Variants in ACMSD observed in about 807,000 individuals in gnomAD.
ACMSD encodes the protein 2-amino-3-carboxymuconate-6-semialdehyde decarboxylase.
In ACMSD, 37 loss-of-function variants were observed where a neutral mutation model predicts 45.9. That is an observed-to-expected ratio of 0.81 (90% confidence interval 0.62 to 1.06). The LOEUF is 1.06. ACMSD is among the 50% of genes least tolerant of loss of function. The pLI, the probability that ACMSD is intolerant of heterozygous loss-of-function variation, is 0.00. For missense variants in ACMSD, 434 were observed against 420.9 expected (o/e 1.03, Z -0.27); for synonymous variants, 138 against 148.8 (o/e 0.93, Z 0.53).
At chr2:134,880,149 A>G (rs1478693860) in intron 8 of ACMSD, among the ~76,000 whole-genome samples, 2 of 152,218 alleles carry the variant, frequency 1.3e-5, no homozygotes, top group Admixed American at 1.3e-4. Flanking sequence ...TCAGAATTTT[A>G]AAGTCATTGT....
At chr2:134,867,430 T>C (rs997767418) in intron 5 of ACMSD, 149 bp from the exon 6 acceptor site, 11 of 564,178 alleles carry the variant, frequency 1.9e-5, no homozygotes, top group African/African-American at 1.5e-4. Flanking sequence ...ATCTCTTCTA[T>C]ATAGATCATA....
At chr2:134,870,137 C>T (rs1445558849) in intron 6 of ACMSD, among the ~76,000 whole-genome samples, 1 of 152,212 alleles carries the variant, frequency 6.6e-6, no homozygotes, top group African/African-American at 2.4e-5. Flanking sequence ...GTGCAGGGCA[C>T]AGCTGTGGAG....
At chr2:134,891,685 A>G (rs1233541143) in intron 8 of ACMSD, among the ~76,000 whole-genome samples, 2 of 152,182 alleles carry the variant, frequency 1.3e-5, no homozygotes, top group African/African-American at 4.8e-5. Flanking sequence ...TTTCACAAAG[A>G]ACTAAAAATA....
intron 1 of ACMSD, among the ~76,000 whole-genome samples, chr2:134,844,853 C>A (rs528828965): frequency 3.0e-4 from 45 of 152,252 alleles, no homozygotes; most frequent in African/African-American, 9.4e-4. Context: ...GGATTGCAAC[C>A]CACAGTTTGA....
chr2:134,895,349 A>AT (rs138907753), intron 8 of ACMSD, among the ~76,000 whole-genome samples: 1 of 140,042 alleles, frequency 7.1e-6, no homozygotes. Flanking sequence ...ATATATATAT[A>AT]ACATATATAA....
rs1427929987 is a variant in ACMSD, at chr2:134,862,830, A to C, written c.250-565A>C. 9.2e-6 allele frequency: 3 copies of C among 324,444 alleles called. No individual in the cohort carries two copies. The East Asian group carries it at 5.0e-4, about 54-fold the overall frequency. The allele number at this position is 324,444 out of a possible 1,614,324, so 20.1% of individuals were successfully genotyped here. A position where few individuals can be genotyped will look rare whatever the true frequency, so the allele number is the denominator to read the frequency against. On this transcript the variant is annotated intron_variant, in intron 4 of 9. Transcript: ENST00000356140. ...GGGCAGTGGGGTGACAGAGGAAAGTAAACAGTGAAGAAGGGAGCATTAGGA... is the reference window on the plus strand; with the variant it reads ...GGGCAGTGGGGTGACAGAGGAAAGTCAACAGTGAAGAAGGGAGCATTAGGA...
At chr2:134,854,562 GTGGACTC>G (rs1687492373) in intron 2 of ACMSD, among the ~76,000 whole-genome samples, 1 of 152,176 alleles carries the variant, frequency 6.6e-6, no homozygotes, top group East Asian at 1.9e-4. Flanking sequence ...CTGTCTACAG[GTGGACTC>G]TGCATAGTCC....
At position 134,901,996 on chromosome 2, in the gene ACMSD, C is replaced by A. The variant is rs1343250495; in HGVS notation, c.*136C>A. Reference sequence around the variant, plus strand: ...AATGTCCCAAATATCCTAAATTATTCATAATAAAAATGATTTGTAAGTGTT... The same window carrying A: ...AATGTCCCAAATATCCTAAATTATTAATAATAAAAATGATTTGTAAGTGTT... On this transcript the variant is annotated 3_prime_UTR_variant, in exon 10 of 10. Transcript: ENST00000356140. 6.1e-6 allele frequency: 3 copies of A among 495,664 alleles called. No homozygotes were observed. The highest frequency in any genetic ancestry group is 1.0e-5 in the Non-Finnish European group (3 of 287,352). The allele number at this position is 495,664 out of a possible 1,614,324, so 30.7% of individuals were successfully genotyped here.
intron 7 of ACMSD, among the ~76,000 whole-genome samples, chr2:134,871,263 T>C (rs565392166): frequency 1.3e-5 from 2 of 152,290 alleles, no homozygotes; most frequent in South Asian, 4.1e-4. Context: ...CTTTGGTTTC[T>C]CCTCCTTTTC....
intron 8 of ACMSD, among the ~76,000 whole-genome samples, chr2:134,897,030 A>C (rs1690192243): frequency 6.6e-6 from 1 of 152,150 alleles, no homozygotes. Context: ...TAAGATGAAA[A>C]AAATTTTTTT....
intron 8 of ACMSD, among the ~76,000 whole-genome samples, chr2:134,882,932 C>T (rs754066967): frequency 5.3e-5 from 8 of 152,152 alleles, no homozygotes; most frequent in Admixed American, 2.6e-4. Flanking sequence ...TTATTATCAG[C>T]TCAGTAAGTC....
intron 8 of ACMSD, among the ~76,000 whole-genome samples, chr2:134,896,795 G>A (rs896013395): frequency 1.2e-4 from 19 of 152,052 alleles, no homozygotes; most frequent in African/African-American, 3.4e-4. Context: ...TCTTAGGTAC[G>A]TATTGATTCA....
intron 2 of ACMSD, among the ~76,000 whole-genome samples, chr2:134,853,131 C>A (rs1344538605): frequency 1.3e-5 from 2 of 149,180 alleles, no homozygotes; most frequent in Admixed American, 1.3e-4. Context: ...CCACTACACT[C>A]CAGCCTGGGG....
At chr2:134,851,148 T>C (rs1687323369) in intron 2 of ACMSD, among the ~76,000 whole-genome samples, 1 of 152,234 alleles carries the variant, frequency 6.6e-6, no homozygotes, top group South Asian at 2.1e-4. Context: ...TATGGCTGCA[T>C]GGTATTCTAT....
intron 2 of ACMSD, among the ~76,000 whole-genome samples, chr2:134,854,435 T>C (rs931863381): frequency 1.3e-5 from 2 of 152,210 alleles, no homozygotes; most frequent in Non-Finnish European, 2.9e-5. Context: ...CCAACAAGGA[T>C]GCAAGTGTTG....
intron 5 of ACMSD, among the ~76,000 whole-genome samples, chr2:134,865,218 A>ATATAC (rs1688041347): frequency 6.6e-6 from 1 of 152,214 alleles, no homozygotes; most frequent in African/African-American, 2.4e-5. Flanking sequence ...GAAAGATTTA[A>ATATAC]TGTTCCTCAA....
At chr2:134,877,805 A>C (rs143536594) in intron 8 of ACMSD, among the ~76,000 whole-genome samples, 1 of 152,154 alleles carries the variant, frequency 6.6e-6, no homozygotes, top group South Asian at 2.1e-4. Context: ...TAATTCCATC[A>C]CATTTTATTC....
intron 2 of ACMSD, among the ~76,000 whole-genome samples, chr2:134,856,022 C>T (rs1337963144): frequency 6.6e-6 from 1 of 152,158 alleles, no homozygotes. Flanking sequence ...AGGTGGTGTG[C>T]CCTCAAAGCA....
chr2:134,868,444 T>C (rs1275203677), intron 6 of ACMSD, among the ~76,000 whole-genome samples: 1 of 123,198 alleles, frequency 8.1e-6, no homozygotes, highest in African/African-American at 3.2e-5. Flanking sequence ...GTGCTGGATA[T>C]TTTTTTCTTT....
Sources: gnomAD v4.1 joint callset for allele counts (sites outside exome capture counted in the v4.1 genomes callset) on GRCh38, gnomAD v4.1.1 for gene constraint, MANE v1.5 for transcripts, NCBI Gene and HGNC (gene_info 2026-07-23, HGNC 2026-07-21) for gene names.